RDH11: variants seen among roughly 807,000 people sequenced by gnomAD.
The protein encoded by RDH11 is HCV core-binding protein HCBP12.
RDH11 carries 19 observed loss-of-function variants against 33.4 expected under a neutral mutation model. That is an observed-to-expected ratio of 0.57 (90% CI 0.40 to 0.83). RDH11 has a LOEUF of 0.83. Among genes scored for constraint, RDH11 ranks in the 40% least tolerant of loss-of-function variants. RDH11 has a pLI of 0.00. For missense variants in RDH11, 353 were observed against 389.0 expected, an observed-to-expected ratio of 0.91 and a Z score of 0.78; for synonymous variants, 154 against 155.3, an observed-to-expected ratio of 0.99 and a Z score of 0.06.
chr14:67,680,619 T>C (rs1400031095), intron 6 of RDH11, among the ~76,000 whole-genome samples: 3 of 152,092 alleles, frequency 2.0e-5, no homozygotes, highest in Non-Finnish European at 4.4e-5. Flanking sequence ...CCACCACGCC[T>C]GGCTAATTTT....
intron 6 of RDH11, among the ~76,000 whole-genome samples, chr14:67,684,101 A>G (rs1349679851): frequency 6.6e-6 from 1 of 152,160 alleles, no homozygotes; most frequent in Non-Finnish European, 1.5e-5. Flanking sequence ...CACTAGGTTA[A>G]TTATTCATTC....
At chr14:67,694,056 T>C (rs1047870618) in intron 1 of RDH11, among the ~76,000 whole-genome samples, 8 of 152,328 alleles carry the variant, frequency 5.3e-5, no homozygotes, top group Middle Eastern at 3.4e-3. Flanking sequence ...TTCTTGGCAA[T>C]GTTGGGACTC....
chr14:67,686,415 GA>G (rs1020854734), intron 5 of RDH11, among the ~76,000 whole-genome samples: 103 of 152,250 alleles, frequency 6.8e-4, no homozygotes, highest in African/African-American at 2.4e-3. Flanking sequence ...AAGGCAGGTG[GA>G]CTGCCTGAGC....
intron 5 of RDH11, among the ~76,000 whole-genome samples, chr14:67,687,176 C>T (rs960490155): frequency 1.3e-5 from 2 of 152,194 alleles, no homozygotes; most frequent in African/African-American, 4.8e-5. Flanking sequence ...GTCCAAACTA[C>T]CCTCATTTCT....
intron 1 of RDH11, among the ~76,000 whole-genome samples, chr14:67,693,893 C>A (rs571648740): frequency 6.6e-6 from 1 of 152,072 alleles, no homozygotes; most frequent in Non-Finnish European, 1.5e-5. Context: ...TCAGGTGATC[C>A]GCCCACCTCA....
chr14:67,689,791 A>G (rs1179083753), intron 5 of RDH11, among the ~76,000 whole-genome samples: 1 of 152,080 alleles, frequency 6.6e-6, no homozygotes. Flanking sequence ...TAAAAATACA[A>G]AAATTAGCCA....
intron 5 of RDH11, among the ~76,000 whole-genome samples, chr14:67,688,942 TGCTGAATG>T (rs2037714940): frequency 6.6e-6 from 1 of 152,218 alleles, no homozygotes; most frequent in Non-Finnish European, 1.5e-5. Flanking sequence ...AATACGTGTC[TGCTGAATG>T]GCTGAATGAA....
intron 6 of RDH11, chr14:67,684,796 C>T: frequency 5.3e-6 from 2 of 380,440 alleles, no homozygotes; most frequent in South Asian, 9.7e-5. Context: ...AGAAAACAAA[C>T]AGAATGCATA....
At chr14:67,684,990 C>G in intron 6 of RDH11, 25 bp downstream of exon 6, 1 of 1,575,356 alleles carries the variant, frequency 6.3e-7, no homozygotes, top group Non-Finnish European at 8.6e-7. Flanking sequence ...TAAATCTCAT[C>G]TGCAAAAAGA....
chr14:67,678,215 C>T lies in RDH11; in HGVS notation c.*106G>A, dbSNP rs2037568133. 4.0e-6 allele frequency: 3 copies of T among 753,232 alleles called. No individual in the cohort carries two copies. 46.7% of individuals were successfully genotyped at this position (753,232 alleles called of 1,614,324 possible). On this transcript the variant is annotated 3_prime_UTR_variant, in exon 7 of 7. Transcript: ENST00000381346. ...AAGCAGGCAAGGCTGGAAGGTTTTG[C>T]TCTCTTTGTGCTAAAGGTTTTGAAA...
chr14:67,687,620 C>G (rs538021321), intron 5 of RDH11, among the ~76,000 whole-genome samples: 31 of 151,856 alleles, frequency 2.0e-4, no homozygotes, highest in Admixed American at 3.3e-4. Flanking sequence ...TACAGGCACA[C>G]GCCAACATGC....
intron 6 of RDH11, among the ~76,000 whole-genome samples, chr14:67,678,850 A>AG (rs398118331): frequency 6.6e-6 from 1 of 152,058 alleles, no homozygotes; most frequent in Non-Finnish European, 1.5e-5. Context: ...AAAAAAAAAA[A>AG]GAAATGCTTA....
chr14:67,678,943 G>A (rs4902508), intron 6 of RDH11, among the ~76,000 whole-genome samples: 18,905 of 152,192 alleles, frequency 0.12, 1,212 homozygotes, highest in Admixed American at 0.14. Flanking sequence ...AGGAAAAGGC[G>A]ACACAGAAAA....
At position 67,678,155 on chromosome 14, in the gene RDH11, G is replaced by GA. The variant is rs1205423397; in HGVS notation, c.*165dup. 2 of 561,808 alleles carry GA rather than the reference G, an allele frequency of 3.6e-6. No homozygotes were observed. Among genetic ancestry groups the GA allele is most frequent in the African/African-American group, 3.8e-5 (2 of 52,962 alleles). The allele number at this position is 561,808 out of a possible 1,614,324, so 34.8% of individuals were successfully genotyped here. On this transcript the variant is annotated 3_prime_UTR_variant, in exon 7 of 7. Transcript: ENST00000381346. Reference sequence around the variant, plus strand: ...ATCTGGACATGACAGACATTTAGACGAATCTGGCAGTACACTGAGTTTTAA... The same window carrying GA: ...ATCTGGACATGACAGACATTTAGACGAAATCTGGCAGTACACTGAGTTTTAA...
chr14:67,695,595 G>C, intron 1 of RDH11, 35 bp downstream of exon 1: 1 of 1,584,922 alleles, frequency 6.3e-7, no homozygotes, highest in Non-Finnish European at 8.6e-7. Flanking sequence ...CCCGCAACAA[G>C]AATTCTCAAG....
chr14:67,688,372 G>A (rs967157474), intron 5 of RDH11, among the ~76,000 whole-genome samples: 1 of 152,166 alleles, frequency 6.6e-6, no homozygotes, highest in African/African-American at 2.4e-5. Context: ...ATACAATTAA[G>A]GGGTAAATCC....
intron 6 of RDH11, among the ~76,000 whole-genome samples, chr14:67,678,913 C>T (rs762038899): frequency 1.3e-5 from 2 of 151,902 alleles, no homozygotes; most frequent in Non-Finnish European, 2.9e-5. Context: ...AGAAGTAAAG[C>T]CAGCTTCGAA....
intron 6 of RDH11, among the ~76,000 whole-genome samples, chr14:67,680,197 C>T (rs1057335202): frequency 3.9e-5 from 6 of 152,194 alleles, no homozygotes; most frequent in African/African-American, 1.2e-4. Context: ...AATATCGTCA[C>T]GTTTACAAAA....
Position 67,678,467 on chromosome 14 carries a change from A to C in RDH11, c.855-44T>G, listed in dbSNP as rs150582214. The C allele has an allele frequency of 3.8e-6, 5 of 1,330,420 alleles. No homozygotes were observed. In the East Asian group the frequency reaches 9.2e-5, roughly 24 times the overall value. 82.4% of individuals were successfully genotyped at this position (1,330,420 alleles called of 1,614,324 possible). Reference sequence around the variant, plus strand: ...GGTATGAAGCACAGTGTTAAGAATGAAGTCTGCCATCTGCCAGGGATAAGG... The same window carrying C: ...GGTATGAAGCACAGTGTTAAGAATGCAGTCTGCCATCTGCCAGGGATAAGG... On this transcript the variant is annotated intron_variant, in intron 6 of 6. Transcript: ENST00000381346.
Sources: gnomAD v4.1 joint callset for allele counts (sites outside exome capture counted in the v4.1 genomes callset) on GRCh38, gnomAD v4.1.1 for gene constraint, MANE v1.5 for transcripts, NCBI Gene and HGNC (gene_info 2026-07-23, HGNC 2026-07-21) for gene names.